The following EYS variants were observed in gnomAD, a reference collection of about 807,000 sequenced individuals.
EYS encodes protein eyes shut homolog.
EYS carries 250 observed loss-of-function variants against 282.1 expected under a neutral mutation model. The ratio of observed to expected loss-of-function variants is 0.89; its 90% CI spans 0.80 to 0.98. EYS has a LOEUF of 0.98. Ranked by LOEUF, EYS falls within the 50% of genes least tolerant of loss-of-function variation. The pLI is 0.00. For synonymous variants in EYS, 1,355 were observed against 1,282.9 expected, an observed-to-expected ratio of 1.06 and a Z score of -1.20; for missense variants, 4,016 against 3,709.0, an observed-to-expected ratio of 1.08 and a Z score of -2.15.
chr6:65,389,583 A>C (rs1765932008), intron 7 of EYS, among the ~76,000 whole-genome samples: 2 of 152,140 alleles, frequency 1.3e-5, no homozygotes, highest in Non-Finnish European at 2.9e-5. Context: ...GGGTGTTAAC[A>C]TTCCTAATGA....
At chr6:64,905,035 C>T (rs914052266) in intron 16 of EYS, among the ~76,000 whole-genome samples, 1 of 152,166 alleles carries the variant, frequency 6.6e-6, no homozygotes. Context: ...CAGTCACGTG[C>T]TGCATAACAA....
At chr6:65,086,784 G>T (rs1481911539) in intron 12 of EYS, among the ~76,000 whole-genome samples, 1 of 151,500 alleles carries the variant, frequency 6.6e-6, no homozygotes, top group Non-Finnish European at 1.5e-5. Context: ...ATATATATGT[G>T]TGTGGTGGTG....
chr6:64,995,715 T>TTCC (rs1771232131), intron 14 of EYS, among the ~76,000 whole-genome samples: 23 of 147,066 alleles, frequency 1.6e-4, no homozygotes, highest in South Asian at 6.5e-4. Context: ...TCTTTCTGCT[T>TTCC]CCCCCCCGCC....
At chr6:65,684,459 T>C (rs1768938414) in intron 1 of EYS, among the ~76,000 whole-genome samples, 1 of 152,024 alleles carries the variant, frequency 6.6e-6, no homozygotes, top group African/African-American at 2.4e-5. Flanking sequence ...CAGCACCTTC[T>C]TTCTCAAACA....
At chr6:65,311,769 C>T (rs1351081830) in intron 11 of EYS, among the ~76,000 whole-genome samples, 1 of 152,130 alleles carries the variant, frequency 6.6e-6, no homozygotes, top group Non-Finnish European at 1.5e-5. Flanking sequence ...GTTTAGTAGG[C>T]TCTCCAAATT....
At chr6:64,448,115 A>C (rs1004392734) in intron 26 of EYS, among the ~76,000 whole-genome samples, 2 of 152,220 alleles carry the variant, frequency 1.3e-5, no homozygotes, top group African/African-American at 4.8e-5. Context: ...AGTCAAAGAA[A>C]GGGGTGACAG....
At chr6:64,737,900 A>G (rs1200516691) in intron 22 of EYS, among the ~76,000 whole-genome samples, 1 of 152,232 alleles carries the variant, frequency 6.6e-6, no homozygotes, top group Non-Finnish European at 1.5e-5. Flanking sequence ...ATGATGTTCT[A>G]TCATGAATGA....
At chr6:63,722,486 A>G (rs1341871038) in intron 42 of EYS, among the ~76,000 whole-genome samples, 1 of 152,320 alleles carries the variant, frequency 6.6e-6, no homozygotes, top group South Asian at 2.1e-4. Context: ...GTGAAGAAAT[A>G]GGAACAAATA....
intron 18 of EYS, among the ~76,000 whole-genome samples, chr6:64,887,183 A>G (rs934074502): frequency 6.6e-6 from 1 of 151,112 alleles, no homozygotes; most frequent in Non-Finnish European, 1.5e-5. Flanking sequence ...CACAAGGACA[A>G]AAAACCAAAC....
At chr6:64,594,119 C>T (rs1426595137) in intron 24 of EYS, among the ~76,000 whole-genome samples, 1 of 152,104 alleles carries the variant, frequency 6.6e-6, no homozygotes, top group Admixed American at 6.6e-5. Flanking sequence ...ACACTTAAGT[C>T]TTCTTTCAGA....
At chr6:65,221,353 C>G (rs533968589) in intron 12 of EYS, among the ~76,000 whole-genome samples, 1 of 152,274 alleles carries the variant, frequency 6.6e-6, no homozygotes, top group Admixed American at 6.5e-5. Flanking sequence ...TGTTCCAGGC[C>G]TAGGGCCATG....
intron 28 of EYS, among the ~76,000 whole-genome samples, chr6:64,422,186 T>A (rs1774258180): frequency 6.6e-6 from 1 of 151,924 alleles, no homozygotes; most frequent in Admixed American, 6.6e-5. Flanking sequence ...CAGATAGACT[T>A]TTTTTTTCTA....
chr6:63,856,534 G>A (rs1437036668), intron 36 of EYS, among the ~76,000 whole-genome samples: 3 of 152,160 alleles, frequency 2.0e-5, no homozygotes, highest in Admixed American at 6.5e-5. Flanking sequence ...TGTTCTCTGT[G>A]TAAAAGTGGA....
At chr6:65,385,946 G>A (rs775580551) in intron 7 of EYS, among the ~76,000 whole-genome samples, 11 of 151,870 alleles carry the variant, frequency 7.2e-5, no homozygotes, top group Non-Finnish European at 1.5e-4. Flanking sequence ...AAAAGTTGAT[G>A]AGTTTCAATT....
At chr6:64,109,355 C>T (rs1237073912) in intron 31 of EYS, among the ~76,000 whole-genome samples, 9 of 152,038 alleles carry the variant, frequency 5.9e-5, no homozygotes, top group African/African-American at 1.4e-4. Flanking sequence ...ATTATTCCAT[C>T]CTTAATCCTA....
At position 64,723,968 on chromosome 6, in the gene EYS, T is replaced by G. The variant is rs568822823; in HGVS notation, c.3443+89410A>C. 2.8e-4 allele frequency among the ~76,000 whole-genome samples: 42 copies of G among 152,266 alleles called. No homozygotes were observed. In the South Asian group the frequency reaches 7.7e-3, roughly 28 times the overall value. The stretch of plus-strand genomic sequence containing the variant: ...CTTGACACTCTCCTTAACCATAACC[T>G]CCTGGTGGTCCCACTTCTATCAGCC... On this transcript the variant is annotated intron_variant, in intron 22 of 42. Transcript: ENST00000503581.
chr6:64,465,684 T>G (rs1028285249), intron 26 of EYS, among the ~76,000 whole-genome samples: 1 of 151,616 alleles, frequency 6.6e-6, no homozygotes, highest in Non-Finnish European at 1.5e-5. Flanking sequence ...GACATTGGTC[T>G]GAGAAAAGAT....
At chr6:64,241,657 T>G (rs551340496) in intron 30 of EYS, among the ~76,000 whole-genome samples, 127 of 149,258 alleles carry the variant, frequency 8.5e-4, no homozygotes, top group African/African-American at 2.4e-3. Flanking sequence ...TTGAAGGTTT[T>G]TGTGTGTGTG....
intron 7 of EYS, among the ~76,000 whole-genome samples, chr6:65,399,147 T>A (rs1410407097): frequency 6.6e-6 from 1 of 152,066 alleles, no homozygotes; most frequent in Non-Finnish European, 1.5e-5. Flanking sequence ...CTCTATTTAA[T>A]AAAATTGAGT....
Sources: allele counts gnomAD v4.1 joint callset (sites outside exome capture counted in the v4.1 genomes callset), GRCh38; gene constraint gnomAD v4.1.1; transcripts MANE v1.5; gene names NCBI Gene and HGNC (gene_info 2026-07-23, HGNC 2026-07-21).